EFHB: variants seen among roughly 807,000 people sequenced by gnomAD.
EFHB encodes the protein EF-hand domain family member B, also known as EF-hand domain-containing family member B.
In EFHB, 91 loss-of-function variants were observed where a neutral mutation model predicts 87.2. The ratio of observed to expected loss-of-function variants is 1.04; its 90% CI spans 0.88 to 1.24. The LOEUF is 1.24. Ranked by LOEUF, EFHB falls within the 50% of genes most tolerant of loss-of-function variation. The pLI is 0.00. For missense variants in EFHB, 1,084 were observed against 998.8 expected (o/e 1.09, Z -1.15); for synonymous variants, 325 against 333.6 (o/e 0.97, Z 0.28).
At chr3:19,889,334 C>T (rs2125121935) in intron 9 of EFHB, among the ~76,000 whole-genome samples, 1 of 152,318 alleles carries the variant, frequency 6.6e-6, no homozygotes, top group African/African-American at 2.4e-5. Flanking sequence ...CACTCAGTCC[C>T]TCCTGCAGTC....
At chr3:19,893,817 G>A (rs147265349) in intron 9 of EFHB, among the ~76,000 whole-genome samples, 2 of 152,316 alleles carry the variant, frequency 1.3e-5, no homozygotes, top group East Asian at 3.9e-4. Flanking sequence ...GGACAGACAG[G>A]AGGTTGGACT....
At chr3:19,920,861 C>T (rs564994197) in intron 1 of EFHB, among the ~76,000 whole-genome samples, 1 of 152,188 alleles carries the variant, frequency 6.6e-6, no homozygotes, top group East Asian at 1.9e-4. Flanking sequence ...GGAATTCAAC[C>T]TTCAGAACAA....
At chr3:19,940,449 G>C (rs553307273) in intron 1 of EFHB, 1 of 485,886 alleles carries the variant, frequency 2.1e-6, no homozygotes, top group East Asian at 5.7e-5. Context: ...TATCTATCCA[G>C]TTAATAATTT....
intron 1 of EFHB, among the ~76,000 whole-genome samples, chr3:19,925,308 T>C (rs901603218): frequency 5.9e-5 from 9 of 151,694 alleles, no homozygotes; most frequent in African/African-American, 1.9e-4. Context: ...CACACTTGCA[T>C]GTATATTGAT....
intron 1 of EFHB, among the ~76,000 whole-genome samples, chr3:19,930,721 C>T (rs1196685445): frequency 6.6e-6 from 1 of 152,174 alleles, no homozygotes; most frequent in Non-Finnish European, 1.5e-5. Context: ...ATCTTCGCAC[C>T]TCTCCCAAGT....
chr3:19,926,516 A>T (rs1695631894), intron 1 of EFHB, among the ~76,000 whole-genome samples: 1 of 152,036 alleles, frequency 6.6e-6, no homozygotes, highest in Admixed American at 6.6e-5. Context: ...GGCGCCTGCC[A>T]CCACACCTGG....
intron 5 of EFHB, among the ~76,000 whole-genome samples, chr3:19,908,917 T>G (rs1694961438): frequency 6.6e-6 from 1 of 151,868 alleles, no homozygotes; most frequent in Non-Finnish European, 1.5e-5. Context: ...GATTAATGAT[T>G]TAATGGCTGA....
chr3:19,884,322 G>T, intron 11 of EFHB, 81 bp downstream of exon 11: 1 of 1,327,552 alleles, frequency 7.5e-7, no homozygotes, highest in Non-Finnish European at 1.0e-6. Flanking sequence ...TTAATCTAAC[G>T]GAGAAAGGCA....
intron 11 of EFHB, 117 bp downstream of exon 11, chr3:19,884,286 A>G: frequency 2.1e-6 from 2 of 960,804 alleles, no homozygotes; most frequent in Non-Finnish European, 3.0e-6. Flanking sequence ...TATGAATTAA[A>G]TGCAAGGTAC....
chr3:19,898,738 T>G, intron 8 of EFHB, 40 bp downstream of exon 8: 1 of 1,595,646 alleles, frequency 6.3e-7, no homozygotes, highest in Non-Finnish European at 8.6e-7. Flanking sequence ...TTTGTTGCTG[T>G]TTGTTTGGGG....
chr3:19,894,634 C>A (rs1694411455), intron 9 of EFHB: 1 of 152,062 alleles, frequency 6.6e-6, no homozygotes, highest in East Asian at 1.9e-4. Flanking sequence ...ATTACCCTCT[C>A]AGAAAAAAAG....
At chr3:19,882,047 A>ATAAT (rs1473239160) in intron 12 of EFHB, among the ~76,000 whole-genome samples, 35 of 102,094 alleles carry the variant, frequency 3.4e-4, no homozygotes, top group African/African-American at 3.9e-4. Context: ...AAATAAATAA[A>ATAAT]TAAATAAATA....
chr3:19,940,433 G>T (rs1696130275), intron 1 of EFHB: 1 of 469,254 alleles, frequency 2.1e-6, no homozygotes, highest in South Asian at 1.6e-5. Context: ...TCAACAGCCT[G>T]ATTCTTATCT....
intron 10 of EFHB, among the ~76,000 whole-genome samples, chr3:19,887,190 G>A (rs531653374): frequency 6.6e-6 from 1 of 152,160 alleles, no homozygotes; most frequent in Admixed American, 6.5e-5. Flanking sequence ...AGACCAGCCT[G>A]GGCAACATGG....
chr3:19,923,694 A>T (rs529312000), intron 1 of EFHB, among the ~76,000 whole-genome samples: 1 of 152,244 alleles, frequency 6.6e-6, no homozygotes, highest in South Asian at 2.1e-4. Flanking sequence ...TTTTAATATG[A>T]ATTATTAGAC....
chr3:19,899,541 A>T (rs1694599950), intron 6 of EFHB, 26 bp from the exon 7 acceptor site: 1 of 1,565,434 alleles, frequency 6.4e-7, no homozygotes, highest in African/African-American at 1.4e-5. Flanking sequence ...ATTATCAGGT[A>T]TCTCTATTAC....
intron 5 of EFHB, among the ~76,000 whole-genome samples, chr3:19,914,014 G>T (rs1242150356): frequency 1.3e-5 from 2 of 152,204 alleles, no homozygotes; most frequent in Non-Finnish European, 2.9e-5. Flanking sequence ...TGCAATCGTG[G>T]CTCACTGCAA....
chr3:19,879,661 T>C lies in EFHB; in HGVS notation c.2472A>G (p.Ala824=), dbSNP rs150316914. 1.4e-3 allele frequency: 2,229 copies of C among 1,601,026 alleles called. 6 individuals carry two copies. Among genetic ancestry groups the C allele is most frequent in the Non-Finnish European group, 1.5e-3 (1,782 of 1,176,066 alleles). The change falls in exon 13 of 13, where the codon GCA becomes GCG. Residue 824 remains alanine (A), a synonymous_variant. Transcript: ENST00000295824. ...IRNVLDELRH[A]DRIKCKTLM ...TGAGTGTTTTACACTTGATCCGGTC[T>C]GCATGCCGTAGCTCATCTAGAACAT...
At chr3:19,916,473 AC>A (rs1695236400) in intron 4 of EFHB, among the ~76,000 whole-genome samples, 1 of 151,524 alleles carries the variant, frequency 6.6e-6, no homozygotes, top group Non-Finnish European at 1.5e-5. Context: ...CAAGATCACG[AC>A]ACTGCACTCC....
Sources: gnomAD v4.1 joint callset for allele counts (sites outside exome capture counted in the v4.1 genomes callset) on GRCh38, gnomAD v4.1.1 for gene constraint, MANE v1.5 for transcripts, NCBI Gene and HGNC (gene_info 2026-07-23, HGNC 2026-07-21) for gene names.